The following SBNO2 variants were observed in gnomAD, a reference collection of about 807,000 sequenced individuals.
SBNO2 encodes protein strawberry notch homolog 2.
In SBNO2, 89 loss-of-function variants were observed where a neutral mutation model predicts 146.3. That is an observed-to-expected ratio of 0.61 (90% CI 0.51 to 0.73). The LOEUF (loss-of-function observed/expected upper bound fraction) is 0.73. SBNO2 is among the 30% of genes least tolerant of loss of function. The pLI is 0.00. For missense variants in SBNO2, 2,092 were observed against 2,003.7 expected (o/e 1.04, Z -0.84); for synonymous variants, 1,147 against 892.6 (o/e 1.29, Z -5.08).
chr19:1,111,873 C>A, intron 23 of SBNO2, 123 bp downstream of exon 23: 1 of 1,031,728 alleles, frequency 9.7e-7, no homozygotes, highest in Non-Finnish European at 1.4e-6. Flanking sequence ...CCCGGCCCTC[C>A]TCCAGACCAC....
chr19:1,143,592 A>G (rs763097140), intron 4 of SBNO2, among the ~76,000 whole-genome samples: 2 of 152,144 alleles, frequency 1.3e-5, no homozygotes, highest in Non-Finnish European at 2.9e-5. Context: ...GCTCCAGGGG[A>G]AAACCCAGTT....
chr19:1,157,405 C>T lies in SBNO2; in HGVS notation c.-126-3003G>A, dbSNP rs535639157. On this transcript the variant is annotated intron_variant, in intron 1 of 31. Transcript: ENST00000361757. This position sits in a 1 kb window ranked among gnomAD's most constrained non-coding sequence, Gnocchi z 6.8. Reference sequence around the variant, plus strand: ...CGCAGCCCCGGAGACGCTCTCCCCACGCGGCCCCGGAGACCCTCTCCCCAC... The same window carrying T: ...CGCAGCCCCGGAGACGCTCTCCCCATGCGGCCCCGGAGACCCTCTCCCCAC... Among the ~76,000 whole-genome samples, 585 of 149,604 alleles carry T rather than the reference C, an allele frequency of 3.9e-3. 6 individuals are homozygous for T. The highest frequency in any genetic ancestry group is 0.014 in the African/African-American group (557 of 41,238).
chr19:1,123,698 G>C (rs1422043771), intron 6 of SBNO2, 59 bp from the exon 7 acceptor site: 7 of 1,496,720 alleles, frequency 4.7e-6, no homozygotes, highest in Non-Finnish European at 6.4e-6. Flanking sequence ...CGGGCACTGG[G>C]CTCCCCCAGG....
intron 4 of SBNO2, among the ~76,000 whole-genome samples, chr19:1,128,965 T>C (rs1324617209): frequency 9.7e-5 from 4 of 41,200 alleles, no homozygotes; most frequent in African/African-American, 2.2e-4. Flanking sequence ...CAAGACTCTG[T>C]CTCAAAAAAA....
In SBNO2 at chr19:1,158,938, A is replaced by AC. The variant is rs1172493917; in HGVS notation, c.-126-4537dup. Among the ~76,000 whole-genome samples the AC allele has an allele frequency of 6.8e-6, 1 of 146,278 alleles. No individual in the cohort carries two copies. Among genetic ancestry groups the AC allele is most frequent in the Non-Finnish European group, 1.5e-5 (1 of 66,780 alleles). ...AGCCGTGACCCCACCTGCAGCCGCG[A>AC]CCCCACCTGCAGCCGTGACCCCACT... On this transcript the variant is annotated intron_variant, in intron 1 of 31. Transcript: ENST00000361757. This position sits in a 1 kb window ranked among gnomAD's most constrained non-coding sequence, Gnocchi z 9.9.
At chr19:1,147,538 C>T in intron 3 of SBNO2, 118 bp from the exon 4 acceptor site, 2 of 577,538 alleles carry the variant, frequency 3.5e-6, no homozygotes, top group South Asian at 2.4e-5. Flanking sequence ...TGGAGTGTGC[C>T]CAGCCCGGCA....
In SBNO2 at chr19:1,109,091, GC is replaced by G; in HGVS notation, c.3425+43del. 3 of 1,541,102 alleles carry G rather than the reference GC, an allele frequency of 1.9e-6. No individual in the cohort carries two copies. Among genetic ancestry groups the G allele is most frequent in the Non-Finnish European group, 2.6e-6 (3 of 1,143,164 alleles). On this transcript the variant is annotated intron_variant, in intron 30 of 31. Transcript: ENST00000361757. The surrounding 1 kb of genome is among the most constrained non-coding windows in gnomAD (Gnocchi z 4.2). ...GGAGCCCCCGATCCCCGCCTGGGTC[GC>G]CGCCATCTGCCGGTTTCCCCCTGGT...
rs767137798 is a variant in SBNO2 at position 1,110,454 on chromosome 19, T to C, written c.3028+291A>G. ...CCTGCATCCGCCCAGTCTCACCCAG[T>C]ACCCTCGCTCACCCAGGATGCATGG... On this transcript the variant is annotated intron_variant, in intron 26 of 31. Transcript: ENST00000361757. This position sits in a 1 kb window ranked among gnomAD's most constrained non-coding sequence, Gnocchi z 4.9. Among the ~76,000 whole-genome samples the C allele has an allele frequency of 9.2e-5, 14 of 151,762 alleles. No homozygotes were observed. Among genetic ancestry groups the C allele is most frequent in the Non-Finnish European group, 1.8e-4 (12 of 67,906 alleles).
chr19:1,132,425 A>AC (rs1308793784), intron 4 of SBNO2, among the ~76,000 whole-genome samples: 14 of 151,994 alleles, frequency 9.2e-5, no homozygotes, highest in Non-Finnish European at 2.1e-4. Flanking sequence ...TCAACACGCA[A>AC]CCCCACCCGT....
intron 1 of SBNO2, among the ~76,000 whole-genome samples, chr19:1,156,360 A>G (rs1160159574): frequency 6.6e-6 from 1 of 152,020 alleles, no homozygotes; most frequent in African/African-American, 2.4e-5. Flanking sequence ...CTGGACCGGG[A>G]GGGGATGGGG....
At chr19:1,139,142 G>A (rs570719487) in intron 4 of SBNO2, among the ~76,000 whole-genome samples, 8 of 152,374 alleles carry the variant, frequency 5.3e-5, no homozygotes, top group South Asian at 2.1e-4. Flanking sequence ...TTCATGTGCC[G>A]GAACACGGCT....
rs1246989245 is a variant in SBNO2 at position 1,122,339 on chromosome 19, T to C, written c.1006-57A>G. The C allele has an allele frequency of 4.6e-6, 7 of 1,516,572 alleles. No homozygotes were observed. The African/African-American group carries it at 8.3e-5, about 18-fold the overall frequency. 93.9% of individuals were successfully genotyped at this position (1,516,572 alleles called of 1,614,324 possible). On this transcript the variant is annotated intron_variant, in intron 10 of 31. Coordinates refer to ENST00000361757, the MANE Select transcript of SBNO2 (RefSeq NM_014963.3). ...GCCCCGGCTCAGCAGGCTCTGGACC[T>C]GGGTCTCCCTATCTGTAAGGGTGCT...
Position 1,128,358 on chromosome 19 carries a change from A to G in SBNO2, c.280-593T>C, listed in dbSNP as rs551349568. On this transcript the variant is annotated intron_variant, in intron 4 of 31. Transcript: ENST00000361757. ...CTCGCCATGGGGATGACACACACACACGCGCTGCCCAGTGAAGGAGATGTA... is the reference window on the plus strand; with the variant it reads ...CTCGCCATGGGGATGACACACACACGCGCGCTGCCCAGTGAAGGAGATGTA... 3.6e-4 allele frequency: 123 copies of G among 343,552 alleles called. 1 individual carries two copies. Among genetic ancestry groups the G allele is most frequent in the African/African-American group, 2.6e-3 (117 of 45,210 alleles). The allele number at this position is 343,552 out of a possible 1,614,324, so 21.3% of individuals were successfully genotyped here. A position where few individuals can be genotyped will look rare whatever the true frequency, so the allele number is the denominator to read the frequency against.
chr19:1,153,529 G>A (rs899543691), intron 2 of SBNO2, among the ~76,000 whole-genome samples: 5 of 150,566 alleles, frequency 3.3e-5, no homozygotes, highest in South Asian at 4.2e-4. Flanking sequence ...GTGAGCCACC[G>A]TGCCAGGCCT....
chr19:1,162,513 C>T (rs1043750672), intron 1 of SBNO2, among the ~76,000 whole-genome samples: 1 of 151,726 alleles, frequency 6.6e-6, no homozygotes, highest in Non-Finnish European at 1.5e-5. Flanking sequence ...TCAACCCCTG[C>T]AAGGTGGAAA....
At chr19:1,115,806 G>C (rs956595915) in intron 17 of SBNO2, 10 of 600,030 alleles carry the variant, frequency 1.7e-5, no homozygotes, top group South Asian at 9.7e-5. Flanking sequence ...GTGTCCTTCA[G>C]GCTGTCTGTT....
intron 17 of SBNO2, chr19:1,115,678 G>A (rs946611469): frequency 2.5e-6 from 1 of 406,964 alleles, no homozygotes; most frequent in South Asian, 2.9e-5. Context: ...GAAGCCTGGG[G>A]GTTATCAATG....
chr19:1,132,725 G>T (rs1480238450), intron 4 of SBNO2, among the ~76,000 whole-genome samples: 1 of 152,072 alleles, frequency 6.6e-6, no homozygotes, highest in Non-Finnish European at 1.5e-5. Context: ...CCCTGCCGCC[G>T]AAGCAAAGTC....
rs575448223 is a variant in SBNO2 at position 1,140,589 on chromosome 19, G to A, written c.279+6720C>T. On this transcript the variant is annotated intron_variant, in intron 4 of 31. Transcript: ENST00000361757. The surrounding 1 kb of genome is among the most constrained non-coding windows in gnomAD (Gnocchi z 4.4). ...GCCAGCAGCGGCATCCTGGCGCAGC[G>A]TGAGCCCCAGGGGTGGGGGTGGGGG... is the stretch of plus-strand genomic sequence containing the variant. Among the ~76,000 whole-genome samples the A allele has an allele frequency of 1.3e-4, 20 of 152,148 alleles. No homozygotes were observed. Among genetic ancestry groups the A allele is most frequent in the Non-Finnish European group, 2.2e-4 (15 of 67,928 alleles).
Sources: gnomAD v4.1 joint callset for allele counts (sites outside exome capture counted in the v4.1 genomes callset) on GRCh38, gnomAD v4.1.1 for gene constraint, Gnocchi (gnomAD v3.1) non-coding constraint, MANE v1.5 for transcripts, NCBI Gene and HGNC (gene_info 2026-07-23, HGNC 2026-07-21) for gene names.